XRCC5: variants seen among roughly 807,000 people sequenced by gnomAD.
The protein encoded by XRCC5 is X-ray repair cross complementing 5, also known as DNA repair protein Ku80.
Under a neutral mutation model 95.7 loss-of-function variants are expected in XRCC5, and 12 were observed. That is an observed-to-expected ratio of 0.13 (90% CI 0.08 to 0.20). The LOEUF is 0.20. Among genes scored for constraint, XRCC5 ranks in the 10% least tolerant of loss-of-function variants. XRCC5 has a pLI of 1.00. For synonymous variants in XRCC5, 281 were observed against 290.3 expected (o/e 0.97, Z 0.33); for missense variants, 595 against 873.9 (o/e 0.68, Z 4.02).
At chr2:216,163,601 C>T (rs1320755677) in intron 16 of XRCC5, among the ~76,000 whole-genome samples, 4 of 112,922 alleles carry the variant, frequency 3.5e-5, no homozygotes, top group Non-Finnish European at 8.9e-5. Flanking sequence ...CGTGCCCGGC[C>T]CAAAAATGAG....
intron 16 of XRCC5, chr2:216,175,877 C>T: frequency 2.4e-6 from 1 of 425,342 alleles, no homozygotes; most frequent in South Asian, 1.9e-5. Context: ...TTCTCTTAAC[C>T]CATCATCTGT....
intron 19 of XRCC5, among the ~76,000 whole-genome samples, chr2:216,201,265 C>T (rs1689828678): frequency 6.6e-6 from 1 of 152,148 alleles, no homozygotes; most frequent in Admixed American, 6.5e-5. Flanking sequence ...AGGCAAAGTA[C>T]ATGCAAACTG....
intron 14 of XRCC5, among the ~76,000 whole-genome samples, chr2:216,155,595 G>T (rs970906326): frequency 9.9e-5 from 15 of 152,144 alleles, no homozygotes; most frequent in African/African-American, 3.1e-4. Context: ...CGTCACTAGG[G>T]GAAAATGGTC....
intron 19 of XRCC5, 90 bp from the exon 20 acceptor site, chr2:216,204,232 G>A: frequency 3.4e-6 from 5 of 1,476,220 alleles, no homozygotes; most frequent in South Asian, 2.3e-5. Flanking sequence ...GGCTGCCTTA[G>A]GTTTTGCTGT....
At chr2:216,194,553 G>A (rs750666925) in intron 18 of XRCC5, among the ~76,000 whole-genome samples, 5 of 152,258 alleles carry the variant, frequency 3.3e-5, no homozygotes, top group South Asian at 2.1e-4. Flanking sequence ...TTTGACATGC[G>A]GCCTTTATTG....
At chr2:216,183,274 G>C (rs1689424350) in intron 16 of XRCC5, among the ~76,000 whole-genome samples, 1 of 152,142 alleles carries the variant, frequency 6.6e-6, no homozygotes, top group South Asian at 2.1e-4. Context: ...TGACAATAAA[G>C]ACCTTGCATT....
chr2:216,130,722 G>A (rs917278932), intron 8 of XRCC5, 153 bp from the exon 9 acceptor site: 15 of 535,958 alleles, frequency 2.8e-5, no homozygotes, highest in African/African-American at 2.7e-4. Flanking sequence ...TTTCACCATT[G>A]ATCACAAGGG....
intron 16 of XRCC5, among the ~76,000 whole-genome samples, chr2:216,170,385 G>A (rs1234040169): frequency 6.6e-6 from 1 of 152,030 alleles, no homozygotes; most frequent in Non-Finnish European, 1.5e-5. Flanking sequence ...GGCTGAAAAT[G>A]GAATTCATGA....
At chr2:216,122,586 C>CT (rs1044453575) in intron 6 of XRCC5, among the ~76,000 whole-genome samples, 64 of 146,166 alleles carry the variant, frequency 4.4e-4, no homozygotes, top group East Asian at 1.8e-3. Context: ...TTTTTGGGCC[C>CT]TTTTTTTTTT....
rs187498424 is a variant in XRCC5 at position 216,180,698 on chromosome 2, G to A, written c.1835-9527G>A. Among the ~76,000 whole-genome samples, 225 of 152,298 alleles carry A rather than the reference G, an allele frequency of 1.5e-3. 5 individuals carry two copies. In the East Asian group the frequency reaches 0.033, roughly 23 times the overall value. ...AAAGGTGGATAGGAGAGGGCCCAAA[G>A]AAGGGCATTCTAAGGAAGGCAACCA... On this transcript the variant is annotated intron_variant, in intron 16 of 20. Coordinates refer to ENST00000392132, the MANE Select transcript of XRCC5 (RefSeq NM_021141.4).
At chr2:216,141,073 G>A (rs1697162412) in intron 12 of XRCC5, 113 bp from the exon 13 acceptor site, 2 of 1,294,722 alleles carry the variant, frequency 1.5e-6, no homozygotes, top group Non-Finnish European at 2.2e-6. Flanking sequence ...ACTTTGGCAG[G>A]GCCAGGACTG....
chr2:216,195,344 T>TC (rs1559263838), intron 19 of XRCC5, among the ~76,000 whole-genome samples: 13 of 133,952 alleles, frequency 9.7e-5, no homozygotes, highest in Admixed American at 4.6e-4. Flanking sequence ...TGTTTTTCTT[T>TC]TTTTTCTTTT....
At chr2:216,204,478 T>C in intron 20 of XRCC5, 82 bp downstream of exon 20, 1 of 1,458,624 alleles carries the variant, frequency 6.9e-7, no homozygotes. Context: ...CTGATTATCT[T>C]ACACTTGTTG....
chr2:216,132,271 G>A, intron 9 of XRCC5, 54 bp from the exon 10 acceptor site: 1 of 1,545,708 alleles, frequency 6.5e-7, no homozygotes, highest in Non-Finnish European at 8.9e-7. Context: ...TGTGTGTCAT[G>A]GTTATACATG....
At chr2:216,143,264 G>A (rs1391321370) in intron 13 of XRCC5, among the ~76,000 whole-genome samples, 2 of 152,198 alleles carry the variant, frequency 1.3e-5, no homozygotes, top group Non-Finnish European at 2.9e-5. Flanking sequence ...CATGCTAAGT[G>A]TAATGAAGTA....
chr2:216,180,717 G>C (rs1435149240), intron 16 of XRCC5, among the ~76,000 whole-genome samples: 1 of 152,152 alleles, frequency 6.6e-6, no homozygotes, highest in Non-Finnish European at 1.5e-5. Flanking sequence ...TCTAAGGAAG[G>C]CAACCACCTA....
chr2:216,186,281 C>G (rs1470405710), intron 16 of XRCC5, among the ~76,000 whole-genome samples: 2 of 152,136 alleles, frequency 1.3e-5, no homozygotes, highest in African/African-American at 4.8e-5. Context: ...GTGTTTTGAC[C>G]TTGGTGACTG....
At chr2:216,172,969 A>C (rs1303013797) in intron 16 of XRCC5, among the ~76,000 whole-genome samples, 1 of 152,100 alleles carries the variant, frequency 6.6e-6, no homozygotes, top group Non-Finnish European at 1.5e-5. Context: ...TCTTTTATTA[A>C]ATTTATTGCC....
At chr2:216,170,213 T>G (rs570317491) in intron 16 of XRCC5, among the ~76,000 whole-genome samples, 22 of 152,282 alleles carry the variant, frequency 1.4e-4, no homozygotes, top group Admixed American at 1.4e-3. Flanking sequence ...CTGAATTTCT[T>G]CCTGAGAGCT....
Sources: allele counts gnomAD v4.1 joint callset (sites outside exome capture counted in the v4.1 genomes callset), GRCh38; gene constraint gnomAD v4.1.1; transcripts MANE v1.5; gene names NCBI Gene and HGNC (gene_info 2026-07-23, HGNC 2026-07-21).